The following NOMO1 variants were observed in gnomAD, a reference collection of about 807,000 sequenced individuals.
The protein encoded by NOMO1 is nodal modulator 3.
A neutral mutation model predicts 133.8 loss-of-function variants in NOMO1; 40 were observed. The ratio of observed to expected loss-of-function variants is 0.30; its 90% CI spans 0.23 to 0.39. NOMO1 has a LOEUF of 0.39. NOMO1 is among the 10% of genes least tolerant of loss of function. The pLI is 1.00. For missense variants in NOMO1, 462 were observed against 1,419.9 expected (o/e 0.33, Z 10.84); for synonymous variants, 236 against 570.5 (o/e 0.41, Z 8.36).
intron 14 of NOMO1, 59 bp from the exon 15 acceptor site, chr16:14,866,496 G>A (rs1473776271): frequency 9.9e-6 from 16 of 1,609,824 alleles, no homozygotes; most frequent in Middle Eastern, 2.3e-4. Context: ...TTCTGGTGGC[G>A]TGGAGGGAGG....
At chr16:14,846,326 C>G (rs1181380566) in intron 4 of NOMO1, among the ~76,000 whole-genome samples, 1 of 150,890 alleles carries the variant, frequency 6.6e-6, no homozygotes, top group East Asian at 1.9e-4. Flanking sequence ...CACACCCGCC[C>G]AGACCAATAA....
Position 14,838,660 on chromosome 16 carries a change from C to T in NOMO1, c.255+164C>T, listed in dbSNP as rs527737714. Among the ~76,000 whole-genome samples the T allele has an allele frequency of 1.9e-3, 292 of 152,150 alleles. 2 individuals are homozygous for T. Among genetic ancestry groups the T allele is most frequent in the Non-Finnish European group, 3.5e-3 (235 of 68,012 alleles). Reference sequence around the variant, plus strand: ...CATTTGGAGGGAGACAACTTACAAACTGCCTTGACGAATACAGTGGCTCTC... The same window carrying T: ...CATTTGGAGGGAGACAACTTACAAATTGCCTTGACGAATACAGTGGCTCTC... On this transcript the variant is annotated intron_variant, in intron 2 of 30. Transcript: ENST00000287667.
intron 29 of NOMO1, among the ~76,000 whole-genome samples, chr16:14,889,417 G>A (rs1964375220): frequency 6.6e-6 from 1 of 152,098 alleles, no homozygotes; most frequent in South Asian, 2.1e-4. Flanking sequence ...CTATAGTCCC[G>A]GCTACTCGGG....
intron 9 of NOMO1, among the ~76,000 whole-genome samples, chr16:14,855,751 A>T (rs1375966750): frequency 6.6e-6 from 1 of 152,060 alleles, no homozygotes; most frequent in Admixed American, 6.5e-5. Context: ...AATTTCAGGG[A>T]ATGGGGCCCT....
chr16:14,860,318 A>ATC (rs1963904442), intron 11 of NOMO1, among the ~76,000 whole-genome samples: 2 of 150,578 alleles, frequency 1.3e-5, no homozygotes, highest in African/African-American at 4.9e-5. Flanking sequence ...CAGTGAGCTG[A>ATC]GATTGCACCA....
At chr16:14,850,658 T>C (rs533367899) in intron 6 of NOMO1, among the ~76,000 whole-genome samples, 3,858 of 151,546 alleles carry the variant, frequency 0.025, 234 homozygotes, top group African/African-American at 0.089. Flanking sequence ...ACTCTATCTG[T>C]TTTATTATTA....
Position 14,857,619 on chromosome 16 carries a change from C to G in NOMO1, c.1184C>G (p.Pro395Arg). 6.2e-7 allele frequency: 1 copy of G among 1,613,504 alleles called. No individual in the cohort carries two copies. The highest frequency in any genetic ancestry group is 1.3e-5 in the African/African-American group (1 of 74,842). Residue 395 changes from proline to arginine, a missense_variant, in exon 11 of 31, where the codon CCG (proline) becomes CGG (arginine). Transcript: ENST00000287667. ...YFETVTIKIA[P>R]NTPQLADIIA... ...GAAACGGTCACCATCAAAATTGCAC[C>G]GAACACACCTCAGCTGGCTGACATT...
intron 24 of NOMO1, among the ~76,000 whole-genome samples, chr16:14,880,932 C>G (rs2151008846): frequency 6.6e-6 from 1 of 150,564 alleles, no homozygotes; most frequent in East Asian, 2.0e-4. Context: ...ACCTATAATC[C>G]CAGCACTTTT....
rs1964243533 is a variant in NOMO1 at position 14,881,556 on chromosome 16, A to G, written c.2898A>G (p.Thr966=). The G allele has an allele frequency of 6.2e-7, 1 of 1,608,944 alleles. No homozygotes were observed. Among genetic ancestry groups the G allele is most frequent in the Non-Finnish European group, 8.5e-7 (1 of 1,178,264 alleles). ...GYRTAYSCYG[T]VSSLNGEPEQ... ...CTTGCCATACTAGTTGCTATGGCAC[A>G]GTGTCTTCCTTAAACGGAGAGCCCG... The change falls in exon 25 of 31, where the codon ACA becomes ACG. Residue 966 remains threonine, a synonymous_variant. Coordinates refer to ENST00000287667, the MANE Select transcript of NOMO1 (RefSeq NM_014287.4).
chr16:14,857,205 T>C lies in NOMO1; in HGVS notation c.964-12T>C, dbSNP rs770282571. The C allele has an allele frequency of 6.2e-7, 1 of 1,602,360 alleles. No homozygotes were observed. Among genetic ancestry groups the C allele is most frequent in the Non-Finnish European group, 8.5e-7 (1 of 1,169,900 alleles). ...ACCTTCGAGCACCTTCTTCTTGTTC[T>C]TTGTTTTCTAGCCCGTGTTCCACGT... On this transcript the variant is annotated splice_polypyrimidine_tract_variant and intron_variant, in intron 9 of 30. Coordinates refer to ENST00000287667, the MANE Select transcript of NOMO1 (RefSeq NM_014287.4).
intron 13 of NOMO1, 123 bp downstream of exon 13, chr16:14,864,849 G>C: frequency 1.4e-6 from 2 of 1,441,944 alleles, no homozygotes; most frequent in Non-Finnish European, 1.9e-6. Flanking sequence ...TGCGAGGGAG[G>C]CTTCTTGGAG....
At chr16:14,889,551 C>T (rs1964377697) in intron 29 of NOMO1, among the ~76,000 whole-genome samples, 1 of 151,872 alleles carries the variant, frequency 6.6e-6, no homozygotes, top group Non-Finnish European at 1.5e-5. Flanking sequence ...AAAAACAAAA[C>T]AAAACAAAAC....
intron 29 of NOMO1, among the ~76,000 whole-genome samples, chr16:14,893,572 T>A (rs1210125872): frequency 6.6e-6 from 1 of 152,026 alleles, no homozygotes; most frequent in Non-Finnish European, 1.5e-5. Flanking sequence ...AGTAGGCAGT[T>A]GTTGATGGAA....
At chr16:14,858,520 T>C (rs1174071926) in intron 11 of NOMO1, among the ~76,000 whole-genome samples, 1 of 151,622 alleles carries the variant, frequency 6.6e-6, no homozygotes, top group African/African-American at 2.4e-5. Flanking sequence ...AGAAGGAGAC[T>C]GCAGGGTCTG....
intron 11 of NOMO1, among the ~76,000 whole-genome samples, chr16:14,858,825 T>G (rs909334279): frequency 6.6e-5 from 10 of 152,022 alleles, no homozygotes; most frequent in Admixed American, 2.0e-4. Context: ...GGACAGGACT[T>G]GGGCACAGGA....
At position 14,874,098 on chromosome 16, in the gene NOMO1, C is replaced by T. The variant is rs145791074; in HGVS notation, c.2055-938C>T. ...GCTTCTTACCACGTGGCCCTCAGCC[C>T]TGGTCTGACCCCCCTCTGGGGTCAC... On this transcript the variant is annotated intron_variant, in intron 18 of 30. Transcript: ENST00000287667. Among the ~76,000 whole-genome samples the T allele has an allele frequency of 5.6e-3, 197 of 35,236 alleles. 1 individual carries two copies. The highest frequency in any genetic ancestry group is 0.011 in the Admixed American group (20 of 1,762). The allele number at this position is 35,236 out of a possible 152,430, so 23.1% of individuals were successfully genotyped here.
intron 11 of NOMO1, among the ~76,000 whole-genome samples, chr16:14,860,180 C>T (rs1009495575): frequency 1.3e-5 from 2 of 151,694 alleles, no homozygotes; most frequent in African/African-American, 4.8e-5. Context: ...CCAGCCTGGC[C>T]GCATGGTGAA....
intron 23 of NOMO1, 107 bp downstream of exon 23, chr16:14,878,941 T>A: frequency 1.4e-6 from 2 of 1,461,308 alleles, no homozygotes; most frequent in Non-Finnish European, 1.9e-6. Flanking sequence ...AGAAAGCCAA[T>A]GTGGAGTGGT....
At chr16:14,839,864 C>G (rs923484661) in intron 2 of NOMO1, among the ~76,000 whole-genome samples, 1 of 150,352 alleles carries the variant, frequency 6.7e-6, no homozygotes, top group South Asian at 2.1e-4. Context: ...GCCTCAGCCT[C>G]CCAAGTAGCT....
Sources: allele counts gnomAD v4.1 joint callset (sites outside exome capture counted in the v4.1 genomes callset), GRCh38; gene constraint gnomAD v4.1.1; transcripts MANE v1.5; gene names NCBI Gene and HGNC (gene_info 2026-07-23, HGNC 2026-07-21).